ZIM2: variants seen among roughly 807,000 people sequenced by gnomAD.
The protein encoded by ZIM2 is zinc finger imprinted 2, also known as zinc finger protein 656.
A neutral mutation model predicts 38.6 loss-of-function variants in ZIM2; 14 were observed. That is an observed-to-expected ratio of 0.36 (90% confidence interval 0.24 to 0.57). The LOEUF is 0.57. Ranked by LOEUF, ZIM2 falls within the 20% of genes least tolerant of loss-of-function variation. The pLI is 0.81. For synonymous variants in ZIM2, 247 were observed against 245.8 expected (o/e 1.00, Z -0.04); for missense variants, 680 against 695.1 (o/e 0.98, Z 0.24).
At chr19:56,800,062 G>A (rs2047435453) in intron 9 of ZIM2, among the ~76,000 whole-genome samples, 1 of 152,068 alleles carries the variant, frequency 6.6e-6, no homozygotes, top group South Asian at 2.1e-4. Context: ...GGAGCAAGAG[G>A]GAATTTTGGG....
intron 10 of ZIM2, among the ~76,000 whole-genome samples, chr19:56,784,952 C>A (rs1330342226): frequency 6.6e-6 from 1 of 152,056 alleles, no homozygotes; most frequent in Non-Finnish European, 1.5e-5. Flanking sequence ...TCAACAAACA[C>A]TGGATTAAAT....
At chr19:56,836,963 C>CT (rs2062188461) in intron 1 of ZIM2, among the ~76,000 whole-genome samples, 1 of 106,736 alleles carries the variant, frequency 9.4e-6, no homozygotes, top group South Asian at 3.2e-4. Context: ...GGGCCAGACT[C>CT]TGTCTCAAAA....
intron 9 of ZIM2, chr19:56,811,609 CAAT>C (rs2146084825): frequency 1.0e-6 from 1 of 985,388 alleles, no homozygotes; most frequent in South Asian, 4.7e-5. Context: ...CCACTGCCAA[CAAT>C]GTTAACACCA....
intron 9 of ZIM2, chr19:56,810,654 A>T (rs2048073107): frequency 4.2e-6 from 4 of 955,888 alleles, no homozygotes; most frequent in Non-Finnish European, 5.0e-6. Context: ...CAAAATATTT[A>T]ACCAAATTCC....
At chr19:56,813,178 A>C in intron 9 of ZIM2, 1 of 979,496 alleles carries the variant, frequency 1.0e-6, no homozygotes, top group Non-Finnish European at 1.2e-6. Flanking sequence ...AATATAATCA[A>C]ATTTGTTGCT....
chr19:56,818,105 C>A (rs1412354337), intron 8 of ZIM2, among the ~76,000 whole-genome samples: 1 of 152,214 alleles, frequency 6.6e-6, no homozygotes, highest in African/African-American at 2.4e-5. Context: ...TTTTAGTCTT[C>A]ACCTTCTTGT....
chr19:56,788,532 C>G (rs1001358848), intron 10 of ZIM2, among the ~76,000 whole-genome samples: 1 of 152,166 alleles, frequency 6.6e-6, no homozygotes, highest in African/African-American at 2.4e-5. Context: ...GTCTGATGGG[C>G]TTCCCTTTGT....
chr19:56,775,156 G>C lies in ZIM2; in HGVS notation c.1209C>G (p.Asn403Lys). The C allele has an allele frequency of 6.2e-7, 1 of 1,614,132 alleles. No homozygotes were observed. The highest frequency in any genetic ancestry group is 8.5e-7 in the Non-Finnish European group (1 of 1,180,018). ...TACCAGAATGGGTCTTCTGATGTCT[G>C]TTGAGGTGTGGCATGAGATAGAAGG... ...AEAFYLMPHL[N>K]RHQKTHSGRK... Residue 403 changes from asparagine (N) to lysine (K), a missense_variant, in exon 13 of 13, where the codon AAC becomes AAG. Asn to Lys is a moderately conservative substitution (Grantham distance 94). Coordinates refer to ENST00000629319, the MANE Select transcript of ZIM2 (RefSeq NM_001387356.1).
At chr19:56,838,829 A>G (rs758752) in intron 1 of ZIM2, among the ~76,000 whole-genome samples, 121,291 of 152,190 alleles carry the variant, frequency 0.8, 48,499 homozygotes, top group South Asian at 0.84. Flanking sequence ...AAGGCAGGCA[A>G]GCACAGCAAC....
At chr19:56,808,957 C>A (rs1399916456) in intron 9 of ZIM2, among the ~76,000 whole-genome samples, 2 of 152,154 alleles carry the variant, frequency 1.3e-5, no homozygotes, top group Non-Finnish European at 2.9e-5. Flanking sequence ...AACCTATGGG[C>A]ATCAATCAAC....
chr19:56,779,567 C>A, intron 11 of ZIM2, 95 bp from the exon 12 acceptor site: 3 of 1,224,914 alleles, frequency 2.4e-6, no homozygotes, highest in Non-Finnish European at 2.3e-6. Context: ...CAAACTCTCG[C>A]AGGAGTAAAA....
chr19:56,817,291 C>T lies in ZIM2; in HGVS notation c.490+455G>A, dbSNP rs202227620. 2.2e-5 allele frequency: 36 copies of T among 1,614,040 alleles called. No homozygotes were observed. The highest frequency in any genetic ancestry group is 3.0e-5 in the Non-Finnish European group (35 of 1,180,044). ...CCTCTTTCTTTCAAGAACTCTCTTT[C>T]TGGAAACAAGGGTTGAATTAAACCT... On this transcript the variant is annotated intron_variant, in intron 9 of 12. Coordinates refer to ENST00000629319, the MANE Select transcript of ZIM2 (RefSeq NM_001387356.1).
At chr19:56,834,737 G>A (rs1291383585) in intron 2 of ZIM2, among the ~76,000 whole-genome samples, 4 of 152,070 alleles carry the variant, frequency 2.6e-5, no homozygotes, top group African/African-American at 9.7e-5. Context: ...CCCATCCCAA[G>A]GGCTCACCTG....
At chr19:56,810,764 A>C (rs1285710577) in intron 9 of ZIM2, 2 of 982,726 alleles carry the variant, frequency 2.0e-6, no homozygotes, top group Non-Finnish European at 2.4e-6. Context: ...GCACTGAAAC[A>C]AGATAGAGGA....
At chr19:56,816,960 T>C (rs1189122322) in intron 9 of ZIM2, 2 of 1,614,062 alleles carry the variant, frequency 1.2e-6, no homozygotes, top group Admixed American at 1.7e-5. Context: ...TTTTCTGAAC[T>C]TCACTGACAG....
At chr19:56,788,297 T>C (rs2046737153) in intron 10 of ZIM2, among the ~76,000 whole-genome samples, 1 of 152,250 alleles carries the variant, frequency 6.6e-6, no homozygotes, top group Admixed American at 6.5e-5. Context: ...GAGATTCTGG[T>C]ACGTTGTGTC....
chr19:56,837,604 G>T (rs1055032324), intron 1 of ZIM2, among the ~76,000 whole-genome samples: 8 of 152,366 alleles, frequency 5.3e-5, no homozygotes, highest in African/African-American at 1.9e-4. Context: ...CAGCCATGAG[G>T]GCACGCTGCC....
intron 9 of ZIM2, chr19:56,816,339 A>C (rs1220446192): frequency 6.2e-7 from 1 of 1,614,044 alleles, no homozygotes; most frequent in Non-Finnish European, 8.5e-7. Context: ...TCTGATGCTC[A>C]CTGAGCTCTG....
chr19:56,826,075 C>T (rs1460258985), intron 3 of ZIM2, among the ~76,000 whole-genome samples: 1 of 152,204 alleles, frequency 6.6e-6, no homozygotes, highest in Non-Finnish European at 1.5e-5. Context: ...TTCCTTGCTG[C>T]CTTCCTTCAT....
Sources: gnomAD v4.1 joint callset for allele counts (sites outside exome capture counted in the v4.1 genomes callset) on GRCh38, gnomAD v4.1.1 for gene constraint, MANE v1.5 for transcripts, NCBI Gene and HGNC (gene_info 2026-07-23, HGNC 2026-07-21) for gene names.